The following LGR5 variants were observed in gnomAD, a reference collection of about 807,000 sequenced individuals.
LGR5 encodes the protein leucine-rich repeat-containing G protein-coupled receptor 5.
LGR5 carries 54 observed loss-of-function variants against 76.7 expected under a neutral mutation model. That is an observed-to-expected ratio of 0.70 (90% CI 0.57 to 0.88). The LOEUF is 0.88. LGR5 is among the 40% of genes least tolerant of loss of function. The probability of loss-of-function intolerance (pLI) is 0.00; values close to 1 mark genes in which losing one functional copy is unlikely to be tolerated. For missense variants in LGR5, 1,078 were observed against 1,073.3 expected (o/e 1.00, Z -0.06); for synonymous variants, 406 against 421.9 (o/e 0.96, Z 0.46).
intron 1 of LGR5, among the ~76,000 whole-genome samples, chr12:71,455,981 G>A (rs1208975208): frequency 2.6e-5 from 4 of 152,068 alleles, no homozygotes; most frequent in Non-Finnish European, 5.9e-5. Flanking sequence ...AAATGTATTT[G>A]TAAATTGTAA....
At chr12:71,540,836 A>C (rs764073469) in intron 4 of LGR5, among the ~76,000 whole-genome samples, 1 of 152,182 alleles carries the variant, frequency 6.6e-6, no homozygotes, top group Non-Finnish European at 1.5e-5. Flanking sequence ...TGAGGTAGCC[A>C]AAAGAATAAG....
At chr12:71,574,030 C>T (rs1880892) in intron 13 of LGR5, among the ~76,000 whole-genome samples, 27,688 of 151,530 alleles carry the variant, frequency 0.18, 2,915 homozygotes, top group East Asian at 0.44. Context: ...CTTATTCACC[C>T]GGTTTGATGT....
chr12:71,552,131 G>A (rs1191804467), intron 4 of LGR5, among the ~76,000 whole-genome samples: 1 of 152,030 alleles, frequency 6.6e-6, no homozygotes, highest in African/African-American at 2.4e-5. Flanking sequence ...AATACCTAAT[G>A]CATGTGGGGC....
chr12:71,490,626 T>C (rs1874026301), intron 1 of LGR5, among the ~76,000 whole-genome samples: 1 of 152,156 alleles, frequency 6.6e-6, no homozygotes, highest in Non-Finnish European at 1.5e-5. Flanking sequence ...AGGTTTCTTC[T>C]AATTTAGCTG....
intron 1 of LGR5, among the ~76,000 whole-genome samples, chr12:71,487,995 C>A (rs934462869): frequency 6.6e-6 from 1 of 152,148 alleles, no homozygotes; most frequent in African/African-American, 2.4e-5. Flanking sequence ...GAGGAGGGTA[C>A]CAAGCTTTTT....
chr12:71,440,399 G>C lies in LGR5; in HGVS notation c.212+107G>C. 2 of 1,100,850 alleles carry C rather than the reference G, an allele frequency of 1.8e-6. No individual in the cohort carries two copies. Among genetic ancestry groups the C allele is most frequent in the Non-Finnish European group, 2.7e-6 (2 of 747,000 alleles). 68.2% of individuals were successfully genotyped at this position (1,100,850 alleles called of 1,614,324 possible). A position where few individuals can be genotyped will look rare whatever the true frequency, so the allele number is the denominator to read the frequency against. ...GGCGCCCGCCTGCTCGTGGGGGAGG[G>C]GGGCGAGTTTGTCAAGGGCATCCTG... On this transcript the variant is annotated intron_variant, in intron 1 of 17. Transcript: ENST00000266674. This position sits in a 1 kb window ranked among gnomAD's most constrained non-coding sequence, Gnocchi z 5.3.
intron 1 of LGR5, among the ~76,000 whole-genome samples, chr12:71,493,770 C>CTTTT (rs57504416): frequency 3.9e-5 from 5 of 129,540 alleles, no homozygotes; most frequent in African/African-American, 1.6e-4. Context: ...AGTAAATAAG[C>CTTTT]TTTTTTTTTT....
At chr12:71,448,701 TAGA>T (rs1343044795) in intron 1 of LGR5, 2 of 152,258 alleles carry the variant, frequency 1.3e-5, no homozygotes, top group African/African-American at 2.4e-5. Context: ...AAAATTTCCA[TAGA>T]AGATGTTATA....
In LGR5 at chr12:71,475,449, G is replaced by A. The variant is rs76917166; in HGVS notation, c.213-29165G>A. ...CAGGATAGTCTGAACTTCTCAACGT[G>A]ACATATGAGGCCAGCTTGATCTGGC... On this transcript the variant is annotated intron_variant, in intron 1 of 17. Transcript: ENST00000266674. Among the ~76,000 whole-genome samples, 989 of 152,260 alleles carry A rather than the reference G, an allele frequency of 6.5e-3. 11 individuals carry two copies. The highest frequency in any genetic ancestry group is 0.022 in the African/African-American group (927 of 41,522).
intron 1 of LGR5, among the ~76,000 whole-genome samples, chr12:71,494,971 A>T (rs939734220): frequency 2.7e-5 from 4 of 150,840 alleles, no homozygotes; most frequent in African/African-American, 9.9e-5. Context: ...CTTAACCAGG[A>T]CCTCCAGATG....
chr12:71,439,628 C>T (rs779822229), upstream of LGR5: 6 of 177,486 alleles, frequency 3.4e-5, no homozygotes, highest in Non-Finnish European at 5.9e-5. Flanking sequence ...CCGCGCGCTG[C>T]CTGCTGCCTG....
At chr12:71,443,456 A>T (rs1871852577) in intron 1 of LGR5, among the ~76,000 whole-genome samples, 1 of 152,216 alleles carries the variant, frequency 6.6e-6, no homozygotes, top group Non-Finnish European at 1.5e-5. Flanking sequence ...TGCCCCAGCA[A>T]GTGGTTATGG....
intron 1 of LGR5, among the ~76,000 whole-genome samples, chr12:71,467,913 T>C (rs542361163): frequency 6.6e-6 from 1 of 152,350 alleles, no homozygotes; most frequent in Admixed American, 6.5e-5. Flanking sequence ...GATTCCTTAT[T>C]AATTCTCACA....
At chr12:71,544,756 G>A (rs1334436066) in intron 4 of LGR5, among the ~76,000 whole-genome samples, 1 of 152,080 alleles carries the variant, frequency 6.6e-6, no homozygotes, top group Non-Finnish European at 1.5e-5. Context: ...AAAAATGTAT[G>A]TACTTTGTTA....
At chr12:71,465,176 G>A (rs1043766346) in intron 1 of LGR5, among the ~76,000 whole-genome samples, 1 of 152,120 alleles carries the variant, frequency 6.6e-6, no homozygotes, top group Non-Finnish European at 1.5e-5. Context: ...CTGCACGAAT[G>A]AGAGATTCAA....
chr12:71,567,648 T>A (rs1027897736), intron 11 of LGR5, among the ~76,000 whole-genome samples: 3 of 152,132 alleles, frequency 2.0e-5, no homozygotes, highest in African/African-American at 7.2e-5. Context: ...CACTATAAGC[T>A]TTACTTAGCA....
intron 1 of LGR5, among the ~76,000 whole-genome samples, chr12:71,475,845 A>T (rs1290722046): frequency 2.6e-5 from 4 of 152,212 alleles, no homozygotes; most frequent in Non-Finnish European, 4.4e-5. Context: ...TATAGATTTT[A>T]TATTAAATCT....
intron 2 of LGR5, among the ~76,000 whole-genome samples, chr12:71,511,895 C>T (rs1295754728): frequency 6.6e-6 from 1 of 152,054 alleles, no homozygotes; most frequent in African/African-American, 2.4e-5. Context: ...CTCATAATTC[C>T]ACCTTGTCTT....
intron 1 of LGR5, among the ~76,000 whole-genome samples, chr12:71,496,370 CAAAAAAAAAAAA>C (rs67593850): frequency 2.0e-5 from 2 of 99,574 alleles, no homozygotes; most frequent in African/African-American, 8.6e-5. Flanking sequence ...TCCATCTCAA[CAAAAAAAAAAAA>C]AAAAAAAAAA....
Sources: gnomAD v4.1 joint callset for allele counts (sites outside exome capture counted in the v4.1 genomes callset) on GRCh38, gnomAD v4.1.1 for gene constraint, Gnocchi (gnomAD v3.1) non-coding constraint, MANE v1.5 for transcripts, NCBI Gene and HGNC (gene_info 2026-07-23, HGNC 2026-07-21) for gene names.